Variants in TRMT6 observed in about 807,000 individuals in gnomAD.
TRMT6 encodes the protein tRNA (adenine(58)-N(1))-methyltransferase non-catalytic subunit TRM6.
A neutral mutation model predicts 59.0 loss-of-function variants in TRMT6; 34 were observed. That is an observed-to-expected ratio of 0.58 (90% confidence interval 0.44 to 0.77). The LOEUF (loss-of-function observed/expected upper bound fraction) is 0.77, where lower values mean the gene tolerates loss of function less well. Ranked by LOEUF, TRMT6 falls within the 30% of genes least tolerant of loss-of-function variation. The pLI, the probability that TRMT6 is intolerant of heterozygous loss-of-function variation, is 0.00. For synonymous variants in TRMT6, 217 were observed against 210.5 expected, an observed-to-expected ratio of 1.03 and a Z score of -0.27; for missense variants, 575 against 604.5, an observed-to-expected ratio of 0.95 and a Z score of 0.51.
intron 1 of TRMT6, 105 bp from the exon 2 acceptor site, chr20:5,946,638 C>T: frequency 4.0e-6 from 4 of 1,012,008 alleles, no homozygotes; most frequent in Non-Finnish European, 5.8e-6. Context: ...AATGGATGAT[C>T]AGCAGCATTA....
chr20:5,940,951 G>GT, intron 10 of TRMT6, 102 bp downstream of exon 10: 1 of 949,264 alleles, frequency 1.1e-6, no homozygotes, highest in East Asian at 2.4e-5. Context: ...ATAAGCCACT[G>GT]TGCCTGGCTG....
chr20:5,942,499 C>G lies in TRMT6; in HGVS notation c.955G>C (p.Glu319Gln). 1 of 1,613,974 alleles carries G rather than the reference C, an allele frequency of 6.2e-7. No individual in the cohort carries two copies. Among genetic ancestry groups the G allele is most frequent in the Non-Finnish European group, 8.5e-7 (1 of 1,180,016 alleles). Residue 319 changes from glutamate to glutamine, a missense_variant, in exon 7 of 11, where the codon GAA becomes CAA. Glu to Gln is a conservative substitution (Grantham distance 29). Transcript: ENST00000203001. ...APESNHPEDQ[E>Q]TMETISQDPE... is the part of the protein sequence containing the mutation. The stretch of plus-strand genomic sequence containing the variant: ...TCTTGAGAAATTGTTTCCATTGTTT[C>G]CTGGTCTTCTGGGTGGTTGCTCTCT...
chr20:5,945,060 C>A (rs1485066195), intron 2 of TRMT6, 146 bp from the exon 3 acceptor site: 2 of 618,682 alleles, frequency 3.2e-6, no homozygotes, highest in East Asian at 2.8e-5. Flanking sequence ...TCCTTTCCTG[C>A]CAAAACTACT....
At chr20:5,945,218 T>G (rs1048076908) in intron 2 of TRMT6, among the ~76,000 whole-genome samples, 6 of 152,148 alleles carry the variant, frequency 3.9e-5, no homozygotes, top group African/African-American at 1.4e-4. Context: ...AAGAATACAC[T>G]CCAAAGATGA....
At position 5,937,653 on chromosome 20, in the gene TRMT6, G is replaced by A. The variant is rs186123845; in HGVS notation, c.*882C>T. The A allele has an allele frequency of 1.3e-5, 2 of 152,066 alleles. No homozygotes were observed. Among genetic ancestry groups the A allele is most frequent in the Non-Finnish European group, 2.9e-5 (2 of 67,954 alleles). The allele number at this position is 152,066 out of a possible 1,614,324, so 9.4% of individuals were successfully genotyped here. On this transcript the variant is annotated 3_prime_UTR_variant, in exon 11 of 11. Transcript: ENST00000203001. ...ACAAGACTTTGATACAGTTCAAATA[G>A]ACTGCACACTCTTTCTGTCCCCATG... is the stretch of plus-strand genomic sequence containing the variant.
At chr20:5,949,636 A>G (rs2088757370) in intron 1 of TRMT6, among the ~76,000 whole-genome samples, 1 of 152,204 alleles carries the variant, frequency 6.6e-6, no homozygotes, top group Admixed American at 6.5e-5. Flanking sequence ...GGAAACTCAA[A>G]GTGATTCCAC....
In TRMT6 at chr20:5,941,101, T is replaced by C; in HGVS notation, c.1254A>G (p.Gly418=). The C allele has an allele frequency of 6.2e-7, 1 of 1,614,108 alleles. No homozygotes were observed. The highest frequency in any genetic ancestry group is 8.5e-7 in the Non-Finnish European group (1 of 1,179,980). ...CAGACAGCCTGAGGTTGATGACCCC[T>C]CCCCTCTCCCGCAGTTTTGTGTAGC... is the stretch of plus-strand genomic sequence containing the variant. ...LECYTKLRER[G]GVINLRLSET... The change falls in exon 10 of 11, where the codon GGA becomes GGG. Residue 418 remains glycine (G), a synonymous_variant. Transcript: ENST00000203001.
chr20:5,941,856 A>ACCC, intron 8 of TRMT6, 95 bp downstream of exon 8: 4 of 1,088,822 alleles, frequency 3.7e-6, no homozygotes, highest in Non-Finnish European at 5.4e-6. Context: ...GGGTCCCACT[A>ACCC]GAGTCAAAGC....
At position 5,937,493 on chromosome 20, in the gene TRMT6, A is replaced by AGAG. The variant is rs1491359416; in HGVS notation, c.*1039_*1041dup. The AGAG allele has an allele frequency of 2.6e-5, 4 of 152,190 alleles. No homozygotes were observed. Among genetic ancestry groups the AGAG allele is most frequent in the Admixed American group, 2.0e-4 (3 of 15,230 alleles). The allele number at this position is 152,190 out of a possible 1,614,324, so 9.4% of individuals were successfully genotyped here. ...TGCTACAGCACATGATCAAATGATT[A>AGAG]GAGTTTTTCAGAGCTTAGAAAGGGT... On this transcript the variant is annotated 3_prime_UTR_variant, in exon 11 of 11. Transcript: ENST00000203001.
At chr20:5,941,209 A>G (rs1398331709) in intron 9 of TRMT6, 34 bp downstream of exon 9, 2 of 1,608,600 alleles carry the variant, frequency 1.2e-6, no homozygotes, top group Admixed American at 1.7e-5. Flanking sequence ...ACATTCAGAC[A>G]TAAGAATTCC....
At chr20:5,943,827 A>G in intron 5 of TRMT6, 121 bp downstream of exon 5, 1 of 1,516,076 alleles carries the variant, frequency 6.6e-7, no homozygotes, top group Non-Finnish European at 8.8e-7. Context: ...AAGGACTTAC[A>G]ATTTATGAGG....
Position 5,942,026 on chromosome 20 carries a change from T to C in TRMT6, c.1037A>G (p.Lys346Arg). ...CCTCTGCTCTTCTTGTCTCCTCTGT[T>C]TTTCCTGAATCTTCAAAAAGAAAAA... ...RGSKKDYIQEKQRRQEEQRKR... is the reference protein window; with the variant it reads ...RGSKKDYIQERQRRQEEQRKR... The change falls in exon 8 of 11, where the codon AAA becomes AGA. Residue 346 changes from lysine (K) to arginine (R), a missense_variant. By Grantham distance (26) the Lys-to-Arg change is conservative. Coordinates refer to ENST00000203001, the MANE Select transcript of TRMT6 (RefSeq NM_015939.5). 1 of 1,612,528 alleles carries C rather than the reference T, an allele frequency of 6.2e-7. No homozygotes were observed. The highest frequency in any genetic ancestry group is 1.3e-5 in the African/African-American group (1 of 75,054).
intron 1 of TRMT6, among the ~76,000 whole-genome samples, 153 bp from the exon 2 acceptor site, chr20:5,946,686 C>T (rs1446215118): frequency 6.6e-6 from 1 of 152,102 alleles, no homozygotes; most frequent in African/African-American, 2.4e-5. Context: ...TAGAGAGAAC[C>T]TGGTTGGGAT....
In TRMT6 at chr20:5,938,606, T is replaced by C. The variant is rs770203637; in HGVS notation, c.1423A>G (p.Ser475Gly). The C allele has an allele frequency of 3.7e-6, 6 of 1,614,142 alleles. No homozygotes were observed. Among genetic ancestry groups the C allele is most frequent in the Non-Finnish European group, 5.1e-6 (6 of 1,180,050 alleles). The change falls in exon 11 of 11, where the codon AGC (serine) becomes GGC (glycine). Residue 475 changes from serine to glycine, a missense_variant. By Grantham distance (56) the Ser-to-Gly change is moderately conservative (BLOSUM62 0). Transcript: ENST00000203001. ...KADTSLKSNA[S>G]TLESHETEEP... ...TCAGTCTCGTGTGATTCTAAAGTGC[T>C]TGCATTAGATTTGAGGCTGGTGTCT...
chr20:5,947,925 C>A (rs972729474), intron 1 of TRMT6, among the ~76,000 whole-genome samples: 5 of 152,108 alleles, frequency 3.3e-5, no homozygotes, highest in African/African-American at 2.4e-5. Flanking sequence ...GTGGCACACA[C>A]CTGTAGTCCC....
In TRMT6 at chr20:5,943,659, G is replaced by A. The variant is rs759809544; in HGVS notation, c.567C>T (p.Ala189=). The part of the protein sequence containing the change: ...KINHMRYDTL[A]QMLTLGNIRA... ...GGATATTTCCCAACGTCAACATCTGGGCTAGTGTATCGTATCTCATGTGGC... is the reference window on the plus strand; with the variant it reads ...GGATATTTCCCAACGTCAACATCTGAGCTAGTGTATCGTATCTCATGTGGC... The change falls in exon 6 of 11, where the codon GCC becomes GCT. Residue 189 remains alanine, a synonymous_variant. Coordinates refer to ENST00000203001, the MANE Select transcript of TRMT6 (RefSeq NM_015939.5). 1.9e-6 allele frequency: 3 copies of A among 1,613,932 alleles called. No individual in the cohort carries two copies.
intron 8 of TRMT6, 66 bp from the exon 9 acceptor site, chr20:5,941,411 G>T: frequency 8.7e-7 from 1 of 1,143,346 alleles, no homozygotes; most frequent in Non-Finnish European, 1.3e-6. Flanking sequence ...GTTTTAAAAT[G>T]CATTTAAAAT....
rs113261997 is a variant in TRMT6, at chr20:5,938,617, T to G, written c.1412A>C (p.Lys471Thr). The change falls in exon 11 of 11, where the codon AAA becomes ACA. Residue 471 changes from lysine to threonine, a missense_variant. Transcript: ENST00000203001. ...MDNLKADTSL[K>T]SNASTLESHE... Reference sequence around the variant, plus strand: ...TGATTCTAAAGTGCTTGCATTAGATTTGAGGCTGGTGTCTGCTTTAAGGTT... The same window carrying G: ...TGATTCTAAAGTGCTTGCATTAGATGTGAGGCTGGTGTCTGCTTTAAGGTT... 3.7e-6 allele frequency: 6 copies of G among 1,614,248 alleles called. No individual in the cohort carries two copies. The highest frequency in any genetic ancestry group is 2.2e-5 in the East Asian group (1 of 44,886).
intron 10 of TRMT6, among the ~76,000 whole-genome samples, chr20:5,939,265 A>C (rs2088635543): frequency 6.6e-6 from 1 of 152,046 alleles, no homozygotes; most frequent in African/African-American, 2.4e-5. Context: ...GGTGGATCAC[A>C]AGGTCAGGAG....
Sources: allele counts gnomAD v4.1 joint callset (sites outside exome capture counted in the v4.1 genomes callset), GRCh38; gene constraint gnomAD v4.1.1; transcripts MANE v1.5; gene names NCBI Gene and HGNC (gene_info 2026-07-23, HGNC 2026-07-21).